The following ACSBG2 variants were observed in gnomAD, a reference collection of about 807,000 sequenced individuals.
The protein encoded by ACSBG2 is acyl-CoA synthetase bubblegum family member 2.
A neutral mutation model predicts 74.7 loss-of-function variants in ACSBG2; 62 were observed. The observed-to-expected ratio is 0.83, with a 90% CI of 0.68 to 1.03. The LOEUF (loss-of-function observed/expected upper bound fraction) is 1.03, where lower values mean the gene tolerates loss of function less well. Among genes scored for constraint, ACSBG2 ranks in the 50% least tolerant of loss-of-function variants. ACSBG2 has a pLI of 0.00. For missense variants in ACSBG2, 730 were observed against 817.6 expected, an observed-to-expected ratio of 0.89 and a Z score of 1.31; for synonymous variants, 309 against 294.1, an observed-to-expected ratio of 1.05 and a Z score of -0.52.
At chr19:6,166,290 G>T (rs541999011) in intron 7 of ACSBG2, among the ~76,000 whole-genome samples, 30 of 139,688 alleles carry the variant, frequency 2.1e-4, no homozygotes, top group African/African-American at 8.0e-4. Flanking sequence ...TTGTGTGTGT[G>T]TGTGTGTGTG....
intron 5 of ACSBG2, among the ~76,000 whole-genome samples, chr19:6,159,511 A>G (rs1016175291): frequency 1.3e-5 from 2 of 152,192 alleles, no homozygotes; most frequent in Admixed American, 6.5e-5. Context: ...GAATAAAGCA[A>G]TATCTGAATT....
chr19:6,190,833 A>ACACACACC, intron 14 of ACSBG2, 141 bp downstream of exon 14: 1 of 557,140 alleles, frequency 1.8e-6, no homozygotes, highest in South Asian at 2.0e-5. Context: ...ACACACACAC[A>ACACACACC]CACACACACA....
rs747803388 is a variant in ACSBG2 at position 6,190,649 on chromosome 19, T to A, written c.1993T>A (p.Tyr665Asn). ...ATACAAAAAACAAATTGATCACATG[T>A]ACCACTGACTGCTTTGATGGAGCTG... Reference protein sequence around the residue: ...QKYKKQIDHMYH With the variant: ...QKYKKQIDHMNH Residue 665 changes from tyrosine (Y) to asparagine (N), a missense_variant, in exon 14 of 15, where the codon TAC becomes AAC. Coordinates refer to ENST00000588485, the MANE Select transcript of ACSBG2 (RefSeq NM_030924.5). 5 of 1,613,920 alleles carry A rather than the reference T, an allele frequency of 3.1e-6. No individual in the cohort carries two copies. In the East Asian group the frequency reaches 1.1e-4, roughly 36 times the overall value.
At chr19:6,158,796 A>G (rs1487410038) in intron 5 of ACSBG2, among the ~76,000 whole-genome samples, 2 of 152,138 alleles carry the variant, frequency 1.3e-5, no homozygotes, top group Non-Finnish European at 2.9e-5. Context: ...TTCCAGATTC[A>G]ATGAAATCCT....
rs117099148 is a variant in ACSBG2, at chr19:6,161,696, A to G, written c.588+401A>G. 1,541 of 173,916 alleles carry G rather than the reference A, an allele frequency of 8.9e-3. 16 individuals are homozygous for G. The highest frequency in any genetic ancestry group is 0.013 in the Middle Eastern group (5 of 382). 10.8% of individuals were successfully genotyped at this position (173,916 alleles called of 1,614,324 possible). A position where few individuals can be genotyped will look rare whatever the true frequency, so the allele number is the denominator to read the frequency against. ...GGTGGGGCTTTGCAAAGGGAAGTGG[A>G]TGTGGCCTTTGCAAAGGGAAATGGG... On this transcript the variant is annotated intron_variant, in intron 6 of 14. Coordinates refer to ENST00000588485, the MANE Select transcript of ACSBG2 (RefSeq NM_030924.5).
chr19:6,184,711 C>T (rs559460365), intron 10 of ACSBG2, among the ~76,000 whole-genome samples: 5 of 150,624 alleles, frequency 3.3e-5, no homozygotes, highest in South Asian at 2.1e-4. Flanking sequence ...AGTTGGTTGC[C>T]GTACTTAAAA....
At chr19:6,140,186 C>G (rs1436651035) in intron 1 of ACSBG2, among the ~76,000 whole-genome samples, 1 of 148,346 alleles carries the variant, frequency 6.7e-6, no homozygotes, top group Non-Finnish European at 1.5e-5. Context: ...GATCGAGCCA[C>G]TGCACTCCAG....
chr19:6,138,469 G>GAGA (rs1281425740), intron 1 of ACSBG2, among the ~76,000 whole-genome samples: 1 of 135,202 alleles, frequency 7.4e-6, no homozygotes, highest in African/African-American at 2.8e-5. Context: ...GAAGAGAGAG[G>GAGA]GAGAGAGAGA....
At chr19:6,145,195 G>A (rs1039881731) in intron 2 of ACSBG2, among the ~76,000 whole-genome samples, 1 of 152,122 alleles carries the variant, frequency 6.6e-6, no homozygotes, top group East Asian at 1.9e-4. Flanking sequence ...TGAGGAGATC[G>A]AGACCATCTT....
intron 1 of ACSBG2, 56 bp from the exon 2 acceptor site, chr19:6,141,457 C>T (rs963701547): frequency 1.4e-5 from 12 of 849,428 alleles, no homozygotes; most frequent in Non-Finnish European, 2.2e-5. Context: ...GAGTTGGCCT[C>T]ATCCCTACAG....
intron 5 of ACSBG2, among the ~76,000 whole-genome samples, chr19:6,156,814 T>C (rs2145089988): frequency 6.6e-6 from 1 of 150,724 alleles, no homozygotes; most frequent in Non-Finnish European, 1.5e-5. Flanking sequence ...AGACAGGGTC[T>C]CACTCTGTCC....
chr19:6,184,832 GAAAAAAAAAAAAAAAAAAAA>G (rs371866289), intron 10 of ACSBG2, among the ~76,000 whole-genome samples: 1,042 of 13,490 alleles, frequency 0.077, 28 homozygotes, highest in African/African-American at 0.12. Context: ...ATGTGGAGAT[GAAAAAAAAAAAAAAAAAAAA>G]AAAAAAAAAA....
At chr19:6,173,833 T>C (rs972769947) in intron 7 of ACSBG2, among the ~76,000 whole-genome samples, 6 of 152,072 alleles carry the variant, frequency 3.9e-5, no homozygotes, top group Non-Finnish European at 8.8e-5. Flanking sequence ...ATAGGGAAGA[T>C]GACACTTGTC....
intron 2 of ACSBG2, among the ~76,000 whole-genome samples, chr19:6,143,390 A>AG (rs2088918314): frequency 1.4e-5 from 2 of 142,134 alleles, no homozygotes; most frequent in Admixed American, 6.7e-5. Flanking sequence ...TCTCAAAAAA[A>AG]CAAAAACAAA....
intron 6 of ACSBG2, among the ~76,000 whole-genome samples, chr19:6,163,571 C>T (rs1193437447): frequency 1.1e-4 from 17 of 151,390 alleles, no homozygotes; most frequent in African/African-American, 3.9e-4. Flanking sequence ...TGAAACCCCA[C>T]CTCTACTAAA....
At chr19:6,139,950 G>A (rs2088755119) in intron 1 of ACSBG2, among the ~76,000 whole-genome samples, 1 of 152,138 alleles carries the variant, frequency 6.6e-6, no homozygotes, top group Non-Finnish European at 1.5e-5. Flanking sequence ...TAGGCTGGGT[G>A]CGGTGGCTCA....
At chr19:6,186,325 G>A (rs1028196334) in intron 11 of ACSBG2, among the ~76,000 whole-genome samples, 1 of 152,190 alleles carries the variant, frequency 6.6e-6, no homozygotes. Context: ...TAAAGAATGG[G>A]TGTGGCCAGC....
intron 7 of ACSBG2, among the ~76,000 whole-genome samples, chr19:6,170,016 G>A (rs1157490235): frequency 1.3e-5 from 2 of 152,100 alleles, no homozygotes; most frequent in Non-Finnish European, 2.9e-5. Flanking sequence ...CATATCATTG[G>A]TGAACAGAGA....
intron 10 of ACSBG2, among the ~76,000 whole-genome samples, chr19:6,184,065 G>T (rs1435593441): frequency 6.6e-6 from 1 of 152,020 alleles, no homozygotes; most frequent in African/African-American, 2.4e-5. Flanking sequence ...CAAAGCGCTG[G>T]GATTACAGGC....
Sources: allele counts gnomAD v4.1 joint callset (sites outside exome capture counted in the v4.1 genomes callset), GRCh38; gene constraint gnomAD v4.1.1; transcripts MANE v1.5; gene names NCBI Gene and HGNC (gene_info 2026-07-23, HGNC 2026-07-21).